The following ANKRD26 variants were observed in gnomAD, a reference collection of about 807,000 sequenced individuals.
ANKRD26 encodes the protein ankyrin repeat domain-containing protein 26.
A neutral mutation model predicts 208.7 loss-of-function variants in ANKRD26; 141 were observed. The ratio of observed to expected loss-of-function variants is 0.68; its 90% CI spans 0.59 to 0.78. ANKRD26 has a LOEUF of 0.78. Among genes scored for constraint, ANKRD26 ranks in the 30% least tolerant of loss-of-function variants. The probability of loss-of-function intolerance (pLI) is 0.00; values close to 1 mark genes in which losing one functional copy is unlikely to be tolerated. For synonymous variants in ANKRD26, 636 were observed against 660.4 expected (o/e 0.96, Z 0.57); for missense variants, 1,889 against 1,938.7 (o/e 0.97, Z 0.48).
chr10:27,043,370 T>G (rs983771585), intron 20 of ANKRD26, 56 bp downstream of exon 20: 7 of 1,573,764 alleles, frequency 4.4e-6, no homozygotes, highest in Non-Finnish European at 4.4e-6. Flanking sequence ...TTTATTACAT[T>G]ACATACATTA....
chr10:27,017,480 G>T, intron 30 of ANKRD26, 22 bp downstream of exon 30: 1 of 1,611,724 alleles, frequency 6.2e-7, no homozygotes, highest in Non-Finnish European at 8.5e-7. Flanking sequence ...AATGAACAAA[G>T]GCACACTACA....
chr10:27,079,802 G>A (rs1015515474), intron 6 of ANKRD26, among the ~76,000 whole-genome samples: 1 of 152,078 alleles, frequency 6.6e-6, no homozygotes, highest in African/African-American at 2.4e-5. Flanking sequence ...GCAGTGAGCC[G>A]AGATCATGCC....
At chr10:27,024,382 CAAAGTAAAA>C in intron 28 of ANKRD26, 56 bp downstream of exon 28, 1 of 874,756 alleles carries the variant, frequency 1.1e-6, no homozygotes, top group Non-Finnish European at 1.8e-6. Context: ...TAGTTTTGAA[CAAAGTAAAA>C]TTATATTAAA....
At chr10:26,970,288 T>C (rs2052124591), downstream of ANKRD26, among the ~76,000 whole-genome samples, 1 of 152,102 alleles carries the variant, frequency 6.6e-6, no homozygotes. Context: ...CGAAAGGTGA[T>C]TGGATCATGG....
intron 26 of ANKRD26, 27 bp from the exon 27 acceptor site, chr10:27,028,972 T>C: frequency 6.5e-7 from 1 of 1,531,934 alleles, no homozygotes. Context: ...AAAATAATTA[T>C]TCTCACAGAT....
rs374742784 is a variant in ANKRD26 at position 26,992,380 on chromosome 10, C to T, written c.*30-375G>A. Among the ~76,000 whole-genome samples the T allele has an allele frequency of 4.6e-5, 7 of 151,252 alleles. No individual in the cohort carries two copies. In the East Asian group the frequency reaches 1.2e-3, roughly 25 times the overall value. ...TCCCTTGTCGCCAGGATGTTCAGGT[C>T]CCACATTACTTGGAAGGCTTATTCC... On this transcript the variant is annotated intron_variant, in intron 5 of 5. Coordinates refer to the ANKRD26 transcript ENST00000445828.
chr10:27,034,989 T>A lies in ANKRD26; in HGVS notation c.3461A>T (p.His1154Leu). 1 of 1,614,126 alleles carries A rather than the reference T, an allele frequency of 6.2e-7. No individual in the cohort carries two copies. The highest frequency in any genetic ancestry group is 8.5e-7 in the Non-Finnish European group (1 of 1,179,956). The change falls in exon 24 of 34, where the codon CAC (histidine) becomes CTC (leucine). Residue 1154 changes from histidine to leucine, a missense_variant. Coordinates refer to ENST00000376087, the MANE Select transcript of ANKRD26 (RefSeq NM_014915.3). ...MLLRQQLDDAHNKADNKEKTV... is the reference protein window; with the variant it reads ...MLLRQQLDDALNKADNKEKTV... ...CTTCTCTTTATTGTCAGCCTTGTTG[T>A]GGGCATCATCCAGTTGTTGTCGAAG...
intron 15 of ANKRD26, among the ~76,000 whole-genome samples, chr10:27,058,867 C>T (rs566992288): frequency 3.3e-5 from 5 of 151,748 alleles, no homozygotes; most frequent in East Asian, 1.9e-4. Flanking sequence ...TGAGGCACCG[C>T]GCCCAGCCCA....
At chr10:27,005,829 G>T in intron 33 of ANKRD26, 106 bp from the exon 34 acceptor site, 4 of 1,380,570 alleles carry the variant, frequency 2.9e-6, no homozygotes, top group Non-Finnish European at 3.9e-6. Context: ...TAATAAGAAA[G>T]AAAAATATGT....
chr10:26,958,602 T>G, the ANKRD26 span, among the ~76,000 whole-genome samples: 1 of 152,198 alleles, frequency 6.6e-6, no homozygotes, highest in Non-Finnish European at 1.5e-5. Flanking sequence ...CTGAAGATAA[T>G]GGCTTCCAAC....
chr10:26,976,702 G>A (rs77316804), intron 5 of ANKRD26, among the ~76,000 whole-genome samples: 2,587 of 152,106 alleles, frequency 0.017, 162 homozygotes, highest in East Asian at 0.17. Context: ...TAAGTTTAAG[G>A]CTTCTTAGCC....
chr10:27,085,434 T>C (rs2056082330), intron 5 of ANKRD26, among the ~76,000 whole-genome samples: 1 of 152,172 alleles, frequency 6.6e-6, no homozygotes, highest in Non-Finnish European at 1.5e-5. Flanking sequence ...AGTAAATGTA[T>C]CTCATTCTAT....
At chr10:27,089,570 T>C (rs78029097) in intron 4 of ANKRD26, among the ~76,000 whole-genome samples, 162 of 152,326 alleles carry the variant, frequency 1.1e-3, no homozygotes, top group African/African-American at 3.8e-3. Context: ...GGTTGATGGA[T>C]TGCTTGAGCC....
the ANKRD26 span, among the ~76,000 whole-genome samples, chr10:26,962,608 C>A: frequency 4.6e-5 from 7 of 151,928 alleles, no homozygotes; most frequent in Admixed American, 3.9e-4. Context: ...ATTAGCCAGG[C>A]ATGGTGGCAC....
chr10:27,000,184 T>C (rs1589188203), downstream of ANKRD26, among the ~76,000 whole-genome samples: 1 of 152,192 alleles, frequency 6.6e-6, no homozygotes, highest in African/African-American at 2.4e-5. Context: ...AGATAGACCA[T>C]GCCTGAACTC....
In ANKRD26 at chr10:27,081,310, G is replaced by A. The variant is rs150488235; in HGVS notation, c.740+1493C>T. ...ATTCTGATCTCTTTTCCAAAAGCCC[G>A]GTTCCTATCCAACCCAGTGCTGTTT... On this transcript the variant is annotated intron_variant, in intron 6 of 33. Coordinates refer to ENST00000376087, the MANE Select transcript of ANKRD26 (RefSeq NM_014915.3). 2.0e-3 allele frequency among the ~76,000 whole-genome samples: 310 copies of A among 152,056 alleles called. 2 individuals carry two copies. The highest frequency in any genetic ancestry group is 0.014 in the Middle Eastern group (4 of 294).
In ANKRD26 at chr10:27,006,903, G is replaced by A; in HGVS notation, c.4999+14C>T. ...AATTAATCTAAATTTAATTCATGAAGTTTGGCAACATACCTTCTTTGAGTT... is the reference window on the plus strand; with the variant it reads ...AATTAATCTAAATTTAATTCATGAAATTTGGCAACATACCTTCTTTGAGTT... On this transcript the variant is annotated intron_variant, in intron 33 of 33. Transcript: ENST00000376087. The A allele has an allele frequency of 6.3e-7, 1 of 1,598,162 alleles. No homozygotes were observed. Among genetic ancestry groups the A allele is most frequent in the South Asian group, 1.1e-5 (1 of 90,474 alleles).
intron 30 of ANKRD26, among the ~76,000 whole-genome samples, chr10:27,016,859 G>A (rs1253719769): frequency 8.6e-6 from 1 of 116,024 alleles, no homozygotes; most frequent in Non-Finnish European, 1.7e-5. Context: ...GATTCAGAGA[G>A]TAATTTTAAA....
chr10:27,085,866 C>G (rs1487960536), intron 5 of ANKRD26, among the ~76,000 whole-genome samples: 1 of 152,140 alleles, frequency 6.6e-6, no homozygotes, highest in African/African-American at 2.4e-5. Flanking sequence ...CTATGATAAT[C>G]AACTTCCACT....
Sources: allele counts gnomAD v4.1 joint callset (sites outside exome capture counted in the v4.1 genomes callset), GRCh38; gene constraint gnomAD v4.1.1; transcripts MANE v1.5; gene names NCBI Gene and HGNC (gene_info 2026-07-23, HGNC 2026-07-21).